The following COL5A2 variants were observed in gnomAD, a reference collection of about 807,000 sequenced individuals.
The protein encoded by COL5A2 is collagen alpha-2(V) chain.
In COL5A2, 23 loss-of-function variants were observed where a neutral mutation model predicts 208.2. The observed-to-expected ratio is 0.11, with a 90% confidence interval of 0.08 to 0.16. The LOEUF is 0.16. Among genes scored for constraint, COL5A2 ranks in the 10% least tolerant of loss-of-function variants. COL5A2 has a pLI of 1.00. For synonymous variants in COL5A2, 625 were observed against 628.5 expected (o/e 0.99, Z 0.08); for missense variants, 1,590 against 1,956.4 (o/e 0.81, Z 3.53).
chr2:189,245,836 G>A, the COL5A2 span, among the ~76,000 whole-genome samples: 2 of 152,268 alleles, frequency 1.3e-5, no homozygotes, highest in Non-Finnish European at 2.9e-5. Context: ...TAGAGTAAGA[G>A]TTGAAACTGT....
At chr2:189,162,972 A>C (rs1688397429) in intron 1 of COL5A2, among the ~76,000 whole-genome samples, 1 of 152,192 alleles carries the variant, frequency 6.6e-6, no homozygotes, top group African/African-American at 2.4e-5. Context: ...AAATTTTCTA[A>C]ATATTCATAG....
At chr2:189,403,173 T>C in the COL5A2 span, among the ~76,000 whole-genome samples, 1 of 152,202 alleles carries the variant, frequency 6.6e-6, no homozygotes, top group East Asian at 1.9e-4. Context: ...TTTGTGGCAG[T>C]TGTGAATGGG....
the COL5A2 span, among the ~76,000 whole-genome samples, chr2:189,256,148 G>C: frequency 5.3e-5 from 8 of 152,262 alleles, no homozygotes; most frequent in South Asian, 1.7e-3. Flanking sequence ...TTCCTATATA[G>C]AGAGGATTTT....
rs1056466895 is a variant in COL5A2 at position 189,039,559 on chromosome 2, G to A, written c.3638C>T (p.Pro1213Leu). The A allele has an allele frequency of 9.3e-6, 15 of 1,613,312 alleles. No individual in the cohort carries two copies. The highest frequency in any genetic ancestry group is 1.3e-5 in the Non-Finnish European group (15 of 1,179,918). The change falls in exon 51 of 54, where the codon CCT (proline) becomes CTT (leucine). Residue 1213 changes from proline (P) to leucine (L), a missense_variant. Coordinates refer to ENST00000374866, the MANE Select transcript of COL5A2 (RefSeq NM_000393.5). ...GCCAGGTGGGCCAGGCTCACCAGGA[G>A]GGCCCTAATTAAAAAGAGATTGGAA... ...GSVGEAGPEGPPGEPGPPGPP... is the reference protein window; with the variant it reads ...GSVGEAGPEGLPGEPGPPGPP...
At chr2:189,215,646 G>GA (rs1238746660) in intron 1 of COL5A2, among the ~76,000 whole-genome samples, 3 of 151,460 alleles carry the variant, frequency 2.0e-5, no homozygotes, top group East Asian at 3.9e-4. Context: ...GTGCTATTCT[G>GA]AAAAAACAAA....
At chr2:189,308,920 G>A in the COL5A2 span, among the ~76,000 whole-genome samples, 2 of 152,204 alleles carry the variant, frequency 1.3e-5, no homozygotes, top group Non-Finnish European at 2.9e-5. Context: ...TCCTAGGACT[G>A]TGTCACGGGC....
rs1175370532 is a variant in COL5A2 at position 189,094,588 on chromosome 2, GACACACACACACAC to G, written c.457-2182_457-2169del. 2.8e-3 allele frequency among the ~76,000 whole-genome samples: 33 copies of G among 11,688 alleles called. 2 individuals carry two copies. Among genetic ancestry groups the G allele is most frequent in the Admixed American group, 7.7e-3 (6 of 776 alleles). 7.7% of individuals were successfully genotyped at this position (11,688 alleles called of 152,430 possible). On this transcript the variant is annotated intron_variant, in intron 6 of 53. Transcript: ENST00000374866. ...TTTCTCTCTCTCTCTCTTTCTCTCTGACACACACACACACACACACACACACACACACACACACA... is the reference window on the plus strand; with the variant it reads ...TTTCTCTCTCTCTCTCTTTCTCTCTGACACACACACACACACACACACACA...
rs578052676 is a variant in COL5A2, at chr2:189,157,162, C to CAATAT, written c.97+22345_97+22346insATATT. ...TATCTATATATCTTCATGTGCTAAG[C>CAATAT]ATATATATATCTATATATATAGCTT... On this transcript the variant is annotated intron_variant, in intron 1 of 53. Coordinates refer to ENST00000374866, the MANE Select transcript of COL5A2 (RefSeq NM_000393.5). Among the ~76,000 whole-genome samples the CAATAT allele has an allele frequency of 3.6e-3, 511 of 140,832 alleles. 3 individuals are homozygous for CAATAT. The highest frequency in any genetic ancestry group is 0.015 in the African/African-American group (476 of 32,614). The allele number at this position is 140,832 out of a possible 152,430, so 92.4% of individuals were successfully genotyped here. A position where few individuals can be genotyped will look rare whatever the true frequency, so the allele number is the denominator to read the frequency against.
chr2:189,220,165 A>C (rs1689330474), intron 1 of COL5A2, among the ~76,000 whole-genome samples: 2 of 152,188 alleles, frequency 1.3e-5, no homozygotes, highest in Non-Finnish European at 2.9e-5. Context: ...AGGGGCTGAC[A>C]CCTGGACAAC....
chr2:189,094,199 T>G (rs1686850656), intron 6 of COL5A2, among the ~76,000 whole-genome samples: 1 of 152,164 alleles, frequency 6.6e-6, no homozygotes, highest in South Asian at 2.1e-4. Flanking sequence ...GCCCTCTAAA[T>G]AGCTTATGAA....
At chr2:189,311,986 GC>G in the COL5A2 span, 1 of 749,102 alleles carries the variant, frequency 1.3e-6, no homozygotes. Flanking sequence ...ACCTTGTGGA[GC>G]CCATGGATGT....
At chr2:189,346,368 T>A in the COL5A2 span, among the ~76,000 whole-genome samples, 4 of 152,132 alleles carry the variant, frequency 2.6e-5, no homozygotes, top group Non-Finnish European at 5.9e-5. Flanking sequence ...CAGGATAAGA[T>A]CCTTTTGCAA....
At chr2:189,119,214 G>T (rs1480849469) in intron 1 of COL5A2, among the ~76,000 whole-genome samples, 2 of 151,978 alleles carry the variant, frequency 1.3e-5, no homozygotes, top group African/African-American at 4.8e-5. Flanking sequence ...TTCTCTACTT[G>T]TAGGGAGAAC....
intron 1 of COL5A2, among the ~76,000 whole-genome samples, chr2:189,212,795 G>T (rs1225230757): frequency 6.6e-6 from 1 of 151,470 alleles, no homozygotes; most frequent in Non-Finnish European, 1.5e-5. Context: ...AGAGGAGGGG[G>T]AAACAAGAGA....
chr2:189,361,225 A>G, the COL5A2 span, among the ~76,000 whole-genome samples: 2 of 152,014 alleles, frequency 1.3e-5, no homozygotes, highest in Non-Finnish European at 2.9e-5. Context: ...CCCTACTATT[A>G]CTGTGTTGCA....
the COL5A2 span, among the ~76,000 whole-genome samples, chr2:189,397,245 C>A: frequency 6.6e-6 from 1 of 152,056 alleles, no homozygotes; most frequent in African/African-American, 2.4e-5. Flanking sequence ...CAGTTCTCTT[C>A]TTTTTTAATT....
the COL5A2 span, among the ~76,000 whole-genome samples, chr2:189,280,448 C>G: frequency 3.3e-5 from 5 of 152,190 alleles, no homozygotes; most frequent in South Asian, 1.0e-3. Flanking sequence ...TGTGCAAACT[C>G]TCTAAATCCA....
chr2:189,229,868 C>G (rs536209005), upstream of COL5A2, among the ~76,000 whole-genome samples: 117 of 151,580 alleles, frequency 7.7e-4, 1 homozygote, highest in Middle Eastern at 0.01. Context: ...CCCAACTGGC[C>G]AAAATAACTT....
chr2:189,163,588 A>G lies in COL5A2; in HGVS notation c.97+15920T>C, dbSNP rs576315096. Among the ~76,000 whole-genome samples, 9 of 152,358 alleles carry G rather than the reference A, an allele frequency of 5.9e-5. 1 individual carries two copies. In the South Asian group the frequency reaches 1.9e-3, roughly 32 times the overall value. Reference sequence around the variant, plus strand: ...CTCCTTAAATAAACCATATTTAGGGACATAACTACAAATCTGAATTGATCT... The same window carrying G: ...CTCCTTAAATAAACCATATTTAGGGGCATAACTACAAATCTGAATTGATCT... On this transcript the variant is annotated intron_variant, in intron 1 of 53. Coordinates refer to ENST00000374866, the MANE Select transcript of COL5A2 (RefSeq NM_000393.5).
Sources: allele counts gnomAD v4.1 joint callset (sites outside exome capture counted in the v4.1 genomes callset), GRCh38; gene constraint gnomAD v4.1.1; transcripts MANE v1.5; gene names NCBI Gene and HGNC (gene_info 2026-07-23, HGNC 2026-07-21).